TTC7B: variants seen among roughly 807,000 people sequenced by gnomAD.
TTC7B encodes the protein tetratricopeptide repeat domain 7B.
A neutral mutation model predicts 106.8 loss-of-function variants in TTC7B; 28 were observed. That is an observed-to-expected ratio of 0.26 (90% CI 0.19 to 0.36). The LOEUF is 0.36. TTC7B is among the 10% of genes least tolerant of loss of function. The pLI, the probability that TTC7B is intolerant of heterozygous loss-of-function variation, is 1.00. For synonymous variants in TTC7B, 405 were observed against 430.6 expected (o/e 0.94, Z 0.74); for missense variants, 862 against 1,076.4 (o/e 0.80, Z 2.79).
At chr14:90,749,346 G>A (rs1339158326) in intron 3 of TTC7B, among the ~76,000 whole-genome samples, 1 of 151,264 alleles carries the variant, frequency 6.6e-6, no homozygotes, top group East Asian at 1.9e-4. Context: ...ATTAGGCCAT[G>A]TGAAGTTGTC....
intron 9 of TTC7B, among the ~76,000 whole-genome samples, chr14:90,673,460 G>A (rs138396728): frequency 3.9e-5 from 6 of 152,274 alleles, no homozygotes; most frequent in Admixed American, 6.5e-5. Flanking sequence ...CGGGTCTGTC[G>A]AATATTTCTG....
chr14:90,663,197 T>C lies in TTC7B; in HGVS notation c.1153-4810A>G, dbSNP rs892836963. On this transcript the variant is annotated intron_variant, in intron 9 of 19. Transcript: ENST00000328459. This position sits in a 1 kb window ranked among gnomAD's most constrained non-coding sequence, Gnocchi z 4.5. ...ATCGTCCATTTGCAGGTGAGGAAACTGAGATGCAGAGTTGTTAAGGGGGTA... is the reference window on the plus strand; with the variant it reads ...ATCGTCCATTTGCAGGTGAGGAAACCGAGATGCAGAGTTGTTAAGGGGGTA... 1.1e-4 allele frequency among the ~76,000 whole-genome samples: 16 copies of C among 152,154 alleles called. No individual in the cohort carries two copies. Among genetic ancestry groups the C allele is most frequent in the African/African-American group, 3.4e-4 (14 of 41,440 alleles).
intron 9 of TTC7B, among the ~76,000 whole-genome samples, chr14:90,662,540 C>A (rs1886251842): frequency 6.6e-6 from 1 of 152,222 alleles, no homozygotes; most frequent in Non-Finnish European, 1.5e-5. Context: ...CTGCCTGAGA[C>A]CCCTTCAGAA....
chr14:90,803,381 C>T (rs1033229120), intron 1 of TTC7B, among the ~76,000 whole-genome samples: 6 of 152,178 alleles, frequency 3.9e-5, no homozygotes, highest in Non-Finnish European at 7.4e-5. Flanking sequence ...CTCCCCTTCA[C>T]AGATGGAGCC....
chr14:90,622,598 C>A (rs551882238), intron 15 of TTC7B, among the ~76,000 whole-genome samples: 1 of 151,920 alleles, frequency 6.6e-6, no homozygotes, highest in African/African-American at 2.4e-5. Context: ...GTTGTGGTAG[C>A]GTGCACCTGT....
In TTC7B at chr14:90,750,039, C is replaced by T. The variant is rs183591210; in HGVS notation, c.446-5117G>A. ...ATAAGTAGCCTCTCTCTAGTGTGAA[C>T]TGTTATAACCTCTTGACATTTTCAT... On this transcript the variant is annotated intron_variant, in intron 3 of 19. Coordinates refer to ENST00000328459, the MANE Select transcript of TTC7B (RefSeq NM_001010854.2). Among the ~76,000 whole-genome samples the T allele has an allele frequency of 1.4e-3, 216 of 152,322 alleles. 1 individual carries two copies. Among genetic ancestry groups the T allele is most frequent in the African/African-American group, 5.1e-3 (211 of 41,578 alleles).
intron 1 of TTC7B, among the ~76,000 whole-genome samples, chr14:90,788,877 C>T (rs1192161916): frequency 1.3e-5 from 2 of 151,652 alleles, no homozygotes; most frequent in East Asian, 1.9e-4. Flanking sequence ...GCAGGAGAAT[C>T]GCTTGAACCC....
intron 9 of TTC7B, among the ~76,000 whole-genome samples, chr14:90,660,523 G>A (rs1036978717): frequency 6.6e-6 from 1 of 152,098 alleles, no homozygotes; most frequent in Non-Finnish European, 1.5e-5. Context: ...GCTCACAGCA[G>A]GGTCAGCTCA....
At chr14:90,659,984 G>T (rs1484156727) in intron 9 of TTC7B, among the ~76,000 whole-genome samples, 1 of 152,132 alleles carries the variant, frequency 6.6e-6, no homozygotes, top group Non-Finnish European at 1.5e-5. Flanking sequence ...TCCAGATAAG[G>T]AGGAGAGAAT....
intron 1 of TTC7B, among the ~76,000 whole-genome samples, chr14:90,812,899 A>G (rs537630348): frequency 6.6e-6 from 1 of 152,310 alleles, no homozygotes; most frequent in East Asian, 1.9e-4. Flanking sequence ...TCCACTATTT[A>G]GAGTCCTTAA....
chr14:90,626,701 A>G (rs563053733), intron 15 of TTC7B, among the ~76,000 whole-genome samples: 1 of 152,198 alleles, frequency 6.6e-6, no homozygotes, highest in South Asian at 2.1e-4. Context: ...ATGCCAGCTT[A>G]TGGGCTGCCA....
intron 3 of TTC7B, among the ~76,000 whole-genome samples, chr14:90,750,195 T>C (rs575878872): frequency 1.3e-5 from 2 of 152,298 alleles, no homozygotes; most frequent in South Asian, 4.1e-4. Flanking sequence ...TTGCGCAAAA[T>C]TAAAACCACC....
intron 1 of TTC7B, among the ~76,000 whole-genome samples, chr14:90,790,718 T>C (rs1343633507): frequency 6.6e-6 from 1 of 152,056 alleles, no homozygotes; most frequent in African/African-American, 2.4e-5. Flanking sequence ...CTATTCTAGC[T>C]GTGGGGGCAC....
chr14:90,680,950 C>T (rs1192536518), intron 7 of TTC7B, among the ~76,000 whole-genome samples: 1 of 152,182 alleles, frequency 6.6e-6, no homozygotes, highest in African/African-American at 2.4e-5. Context: ...CTTATACTGT[C>T]GTTTAGATGA....
In TTC7B at chr14:90,600,304, T is replaced by G. The variant is rs928512449; in HGVS notation, c.1967-6678A>C. Among the ~76,000 whole-genome samples, 3 of 152,172 alleles carry G rather than the reference T, an allele frequency of 2.0e-5. No homozygotes were observed. Among genetic ancestry groups the G allele is most frequent in the Admixed American group, 1.3e-4 (2 of 15,274 alleles). On this transcript the variant is annotated intron_variant, in intron 17 of 19. Coordinates refer to ENST00000328459, the MANE Select transcript of TTC7B (RefSeq NM_001010854.2). The surrounding 1 kb of genome is among the most constrained non-coding windows in gnomAD (Gnocchi z 4.3). ...GGAGGCGACTCCAGGTGGTGGCTCC[T>G]TGCACCGCGCTGTCACAGCTCTCCT... is the stretch of plus-strand genomic sequence containing the variant.
rs536746405 is a variant in TTC7B at position 90,691,903 on chromosome 14, A to C, written c.778-2191T>G. Among the ~76,000 whole-genome samples, 5 of 152,226 alleles carry C rather than the reference A, an allele frequency of 3.3e-5. No homozygotes were observed. The South Asian group carries it at 6.2e-4, about 19-fold the overall frequency. Reference sequence around the variant, plus strand: ...CTCTCAGACTCTGGGAACAACCAACATGCTTTCTGGCTCCATGGATTTGCC... The same window carrying C: ...CTCTCAGACTCTGGGAACAACCAACCTGCTTTCTGGCTCCATGGATTTGCC... On this transcript the variant is annotated intron_variant, in intron 6 of 19. Transcript: ENST00000328459.
At chr14:90,563,241 CGAA>C (rs763531357) in intron 19 of TTC7B, among the ~76,000 whole-genome samples, 43 of 152,080 alleles carry the variant, frequency 2.8e-4, no homozygotes, top group Non-Finnish European at 4.4e-4. Context: ...AGGTAAAGCT[CGAA>C]GGACACAGGC....
At chr14:90,761,657 A>G (rs541929721) in intron 3 of TTC7B, among the ~76,000 whole-genome samples, 2 of 152,324 alleles carry the variant, frequency 1.3e-5, no homozygotes, top group South Asian at 4.1e-4. Flanking sequence ...AGTGGGCAGG[A>G]AGAATGCAAT....
intron 5 of TTC7B, among the ~76,000 whole-genome samples, chr14:90,724,344 C>T (rs1454985526): frequency 6.6e-6 from 1 of 152,140 alleles, no homozygotes; most frequent in Non-Finnish European, 1.5e-5. Context: ...CCACTCGTCC[C>T]CACAACCTAA....
Sources: gnomAD v4.1 joint callset for allele counts (sites outside exome capture counted in the v4.1 genomes callset) on GRCh38, gnomAD v4.1.1 for gene constraint, Gnocchi (gnomAD v3.1) non-coding constraint, MANE v1.5 for transcripts, NCBI Gene and HGNC (gene_info 2026-07-23, HGNC 2026-07-21) for gene names.